The following THBS4 variants were observed in gnomAD, a reference collection of about 807,000 sequenced individuals.
THBS4 encodes thrombospondin-4.
In THBS4, 90 loss-of-function variants were observed where a neutral mutation model predicts 115.7. That is an observed-to-expected ratio of 0.78 (90% CI 0.66 to 0.93). The LOEUF (loss-of-function observed/expected upper bound fraction) is 0.93, where lower values mean the gene tolerates loss of function less well. Ranked by LOEUF, THBS4 falls within the 40% of genes least tolerant of loss-of-function variation. The pLI, the probability that THBS4 is intolerant of heterozygous loss-of-function variation, is 0.00. For missense variants in THBS4, 1,087 were observed against 1,232.7 expected (o/e 0.88, Z 1.77); for synonymous variants, 460 against 479.3 (o/e 0.96, Z 0.53).
chr5:80,010,224 A>C (rs2151153976), intron 2 of THBS4, among the ~76,000 whole-genome samples: 1 of 152,346 alleles, frequency 6.6e-6, no homozygotes, highest in African/African-American at 2.4e-5. Flanking sequence ...GCAGTCTACA[A>C]GGTCCTAAAT....
intron 1 of THBS4, among the ~76,000 whole-genome samples, chr5:79,992,245 C>A (rs931439511): frequency 4.6e-5 from 7 of 152,160 alleles, no homozygotes; most frequent in African/African-American, 1.7e-4. Context: ...ATGACTGGGT[C>A]TCAGAGTTAG....
In THBS4 at chr5:80,078,048, G is replaced by A; in HGVS notation, c.2087-1G>A. ...TCCTGTCCTTTCTCCACCCCACTCAGGCGACGGAGTGGGAGACATCTGTGA... is the reference window on the plus strand; with the variant it reads ...TCCTGTCCTTTCTCCACCCCACTCAAGCGACGGAGTGGGAGACATCTGTGA... On this transcript the variant is annotated splice_acceptor_variant, in intron 16 of 21. Coordinates refer to ENST00000350881, the MANE Select transcript of THBS4 (RefSeq NM_003248.6). LOFTEE classifies it high-confidence loss of function. The A allele has an allele frequency of 6.4e-7, 1 of 1,574,480 alleles. No homozygotes were observed. The highest frequency in any genetic ancestry group is 8.7e-7 in the Non-Finnish European group (1 of 1,153,422).
chr5:80,046,529 G>T (rs1833070954), intron 2 of THBS4, among the ~76,000 whole-genome samples: 1 of 152,218 alleles, frequency 6.6e-6, no homozygotes, highest in South Asian at 2.1e-4. Context: ...CATGTATTTT[G>T]GGATTGCCCA....
chr5:80,079,755 A>T, intron 19 of THBS4, 150 bp from the exon 20 acceptor site: 1 of 775,736 alleles, frequency 1.3e-6, no homozygotes. Flanking sequence ...ACCTCCATAG[A>T]AATGACATTT....
At chr5:80,046,326 C>T (rs865961489) in intron 2 of THBS4, among the ~76,000 whole-genome samples, 1 of 152,324 alleles carries the variant, frequency 6.6e-6, no homozygotes, top group South Asian at 2.1e-4. Flanking sequence ...AGATGAATTA[C>T]ACATTGGGAT....
chr5:80,018,390 T>C (rs961551742), intron 2 of THBS4, among the ~76,000 whole-genome samples: 2 of 53,746 alleles, frequency 3.7e-5, no homozygotes, highest in African/African-American at 2.2e-4. Flanking sequence ...TCAAATATAC[T>C]TTTTTTTTTT....
At chr5:80,049,112 C>T (rs1833170072) in intron 2 of THBS4, among the ~76,000 whole-genome samples, 1 of 152,224 alleles carries the variant, frequency 6.6e-6, no homozygotes, top group Non-Finnish European at 1.5e-5. Flanking sequence ...TTCTTTAAAG[C>T]TGGCACCCTG....
chr5:80,023,353 T>C (rs1452075023), intron 2 of THBS4, among the ~76,000 whole-genome samples: 1 of 152,230 alleles, frequency 6.6e-6, no homozygotes, highest in Non-Finnish European at 1.5e-5. Context: ...TGGAGCTCAG[T>C]ATTTGCTCTG....
intron 8 of THBS4, 119 bp downstream of exon 8, chr5:80,061,951 A>C: frequency 2.6e-4 from 287 of 1,114,922 alleles, no homozygotes; most frequent in Non-Finnish European, 3.2e-4. Context: ...GTGGAATGTC[A>C]TGGTGCAAAA....
At chr5:79,996,664 T>C (rs943417169) in intron 1 of THBS4, among the ~76,000 whole-genome samples, 1 of 152,198 alleles carries the variant, frequency 6.6e-6, no homozygotes, top group Non-Finnish European at 1.5e-5. Flanking sequence ...GGCAGTAATA[T>C]ATACTGATAG....
intron 2 of THBS4, among the ~76,000 whole-genome samples, chr5:80,004,041 A>C (rs1316783581): frequency 2.0e-5 from 3 of 152,168 alleles, no homozygotes; most frequent in Non-Finnish European, 1.5e-5. Context: ...AGGTGAATGA[A>C]GATAAAGGGA....
At position 80,079,210 on chromosome 5, in the gene THBS4, G is replaced by GAAT; in HGVS notation, c.2463_2464insAAT (p.Trp821_Gln822insAsn). 1 of 1,614,042 alleles carries GAAT rather than the reference G, an allele frequency of 6.2e-7. No homozygotes were observed. Among genetic ancestry groups the GAAT allele is most frequent in the Non-Finnish European group, 8.5e-7 (1 of 1,179,944 alleles). The stretch of plus-strand genomic sequence containing the variant: ...GGAAGCAGACGGAGCAGACATATTG[G>GAAT]CAAGCCACCCCATTCCGAGCAGTTG... On this transcript the variant is annotated inframe_insertion, in exon 19 of 22. Coordinates refer to ENST00000350881, the MANE Select transcript of THBS4 (RefSeq NM_003248.6).
intron 2 of THBS4, among the ~76,000 whole-genome samples, chr5:80,046,440 T>C (rs1050246582): frequency 6.6e-6 from 1 of 152,214 alleles, no homozygotes; most frequent in Non-Finnish European, 1.5e-5. Context: ...TCCATTTTTA[T>C]AAAGAAGGGA....
intron 15 of THBS4, among the ~76,000 whole-genome samples, chr5:80,075,738 G>T (rs1580987846): frequency 6.6e-6 from 1 of 152,238 alleles, no homozygotes; most frequent in East Asian, 1.9e-4. Context: ...GCATAAAAAT[G>T]TTCAGGGCTA....
At chr5:80,051,711 TTAAA>T (rs1215738001) in intron 2 of THBS4, among the ~76,000 whole-genome samples, 1 of 152,216 alleles carries the variant, frequency 6.6e-6, no homozygotes, top group Non-Finnish European at 1.5e-5. Context: ...ATAAAAAGCT[TTAAA>T]TACAATCATT....
At chr5:79,996,954 A>G (rs974798843) in intron 1 of THBS4, among the ~76,000 whole-genome samples, 2 of 152,108 alleles carry the variant, frequency 1.3e-5, no homozygotes, top group Non-Finnish European at 2.9e-5. Flanking sequence ...TTAAATATGT[A>G]TATTATAATA....
In THBS4 at chr5:80,065,442, G is replaced by C. The variant is rs1866389; in HGVS notation, c.1159G>C (p.Ala387Pro). The change falls in exon 9 of 22, where the codon GCG becomes CCG. Residue 387 changes from alanine (A) to proline (P), a missense_variant. Transcript: ENST00000350881. ...TGACATTGATGAGTGTCGAAATGGA[G>C]CGTGCGTTCCCAACTCGATCTGCGT... ...CTDIDECRNG[A>P]CVPNSICVNT... 333,149 of 1,612,566 alleles carry C rather than the reference G, an allele frequency of 0.21. 36,494 individuals carry two copies. Among genetic ancestry groups the C allele is most frequent in the Middle Eastern group, 0.23 (1,389 of 6,062 alleles).
intron 2 of THBS4, among the ~76,000 whole-genome samples, chr5:80,027,650 G>C (rs60637254): frequency 0.42 from 63,834 of 151,550 alleles, 13,666 homozygotes; most frequent in African/African-American, 0.5. Flanking sequence ...AATCCCAGCA[G>C]TTTGGGAGGC....
At chr5:80,060,658 G>T (rs1404162317) in intron 7 of THBS4, among the ~76,000 whole-genome samples, 2 of 152,304 alleles carry the variant, frequency 1.3e-5, no homozygotes, top group South Asian at 4.1e-4. Context: ...TACTCTGGAA[G>T]ATGAAGCAGG....
Sources: allele counts gnomAD v4.1 joint callset (sites outside exome capture counted in the v4.1 genomes callset), GRCh38; gene constraint gnomAD v4.1.1; transcripts MANE v1.5; gene names NCBI Gene and HGNC (gene_info 2026-07-23, HGNC 2026-07-21).